The following OCLN variants were observed in gnomAD, a reference collection of about 807,000 sequenced individuals.
The protein encoded by OCLN is occludin.
OCLN carries 21 observed loss-of-function variants against 47.9 expected under a neutral mutation model. The ratio of observed to expected loss-of-function variants is 0.44; its 90% CI spans 0.31 to 0.63. The LOEUF (loss-of-function observed/expected upper bound fraction) is 0.63. Ranked by LOEUF, OCLN falls within the 30% of genes least tolerant of loss-of-function variation. The pLI, the probability that OCLN is intolerant of heterozygous loss-of-function variation, is 0.08. For synonymous variants in OCLN, 117 were observed against 198.4 expected, an observed-to-expected ratio of 0.59 and a Z score of 3.45; for missense variants, 360 against 571.0, an observed-to-expected ratio of 0.63 and a Z score of 3.77.
chr5:69,530,736 G>T (rs945222893), intron 4 of OCLN: 9 of 152,228 alleles, frequency 5.9e-5, no homozygotes, highest in African/African-American at 2.2e-4. Context: ...AATTTATTAT[G>T]CATGTGTATA....
At chr5:69,530,819 A>G (rs769941089) in intron 4 of OCLN, 1 of 152,322 alleles carries the variant, frequency 6.6e-6, no homozygotes, top group Non-Finnish European at 1.5e-5. Flanking sequence ...TGCTGATGCT[A>G]AGAGAGAAAG....
rs766112658 is a variant in OCLN, at chr5:69,509,289, A to T, written c.199A>T (p.Ile67Phe). 8.1e-6 allele frequency: 13 copies of T among 1,614,098 alleles called. No individual in the cohort carries two copies. The highest frequency in any genetic ancestry group is 9.3e-6 in the Non-Finnish European group (11 of 1,180,048). ...KWTSPPGVIR[I>F]LSMLIIVMCI... Reference sequence around the variant, plus strand: ...GACCTCTCCTCCAGGAGTGATTCGGATCCTGTCTATGCTCATTATTGTGAT... The same window carrying T: ...GACCTCTCCTCCAGGAGTGATTCGGTTCCTGTCTATGCTCATTATTGTGAT... The change falls in exon 3 of 9, where the codon ATC becomes TTC. Residue 67 changes from isoleucine (I) to phenylalanine (F), a missense_variant. Physicochemically the swap from Ile to Phe is conservative, Grantham distance 21 (BLOSUM62 0). Coordinates refer to ENST00000396442, the MANE Select transcript of OCLN (RefSeq NM_001205254.2).
intron 4 of OCLN, among the ~76,000 whole-genome samples, chr5:69,533,738 C>T (rs559237516): frequency 3.1e-4 from 47 of 152,336 alleles, no homozygotes; most frequent in African/African-American, 8.9e-4. Flanking sequence ...CTGCAACCTC[C>T]GCCTCTCTGG....
At chr5:69,505,888 G>T (rs1768585310) in intron 2 of OCLN, among the ~76,000 whole-genome samples, 1 of 152,192 alleles carries the variant, frequency 6.6e-6, no homozygotes, top group African/African-American at 2.4e-5. Flanking sequence ...CAGTTCTACA[G>T]TGGACAATAG....
intron 4 of OCLN, among the ~76,000 whole-genome samples, chr5:69,522,894 C>CTTCTTTTTTTTTT (rs1769179015): frequency 8.6e-6 from 1 of 116,890 alleles, no homozygotes; most frequent in Non-Finnish European, 1.7e-5. Flanking sequence ...GCCTGGCTGA[C>CTTCTTTTTTTTTT]TTTTTTTTTT....
intron 2 of OCLN, among the ~76,000 whole-genome samples, chr5:69,505,943 A>G (rs909537196): frequency 6.6e-6 from 1 of 152,196 alleles, no homozygotes; most frequent in African/African-American, 2.4e-5. Context: ...ACTGTCAGAG[A>G]TAGCATCAGA....
intron 1 of OCLN, among the ~76,000 whole-genome samples, chr5:69,494,409 C>T (rs547773114): frequency 3.3e-4 from 50 of 152,346 alleles, no homozygotes; most frequent in Admixed American, 2.5e-3. Context: ...TGGTCTCGAA[C>T]TCCTGACCTC....
At chr5:69,513,236 A>G (rs1225051685) in intron 3 of OCLN, among the ~76,000 whole-genome samples, 1 of 152,208 alleles carries the variant, frequency 6.6e-6, no homozygotes, top group African/African-American at 2.4e-5. Context: ...AGTGCCTCCC[A>G]GGCCAATATA....
rs766335289 is a variant in OCLN at position 69,504,297 on chromosome 5, A to G, written c.50+3A>G. 3.2e-6 allele frequency: 5 copies of G among 1,557,010 alleles called. No individual in the cohort carries two copies. In the South Asian group the frequency reaches 5.6e-5, roughly 17 times the overall value. Reference sequence around the variant, plus strand: ...CCTCCTTACAGGCCTGATGAATTGTAAGTAAATAATTCTTTAGTTATTCTC... The same window carrying G: ...CCTCCTTACAGGCCTGATGAATTGTGAGTAAATAATTCTTTAGTTATTCTC... On this transcript the variant is annotated splice_donor_region_variant and intron_variant, in intron 2 of 8. Transcript: ENST00000396442.
intron 4 of OCLN, among the ~76,000 whole-genome samples, chr5:69,516,675 A>G (rs866075158): frequency 6.6e-6 from 1 of 152,160 alleles, no homozygotes; most frequent in African/African-American, 2.4e-5. Context: ...TAATCTTACC[A>G]AGCTTCCTAT....
In OCLN at chr5:69,520,347, C is replaced by T. The variant is rs1023157009; in HGVS notation, c.891+6238C>T. On this transcript the variant is annotated intron_variant, in intron 4 of 8. Coordinates refer to ENST00000396442, the MANE Select transcript of OCLN (RefSeq NM_001205254.2). Reference sequence around the variant, plus strand: ...ATGGAGTCTTGCTCTGTTGCCCAGGCTGGAGCGCAGTGGCACTATCTCGGC... The same window carrying T: ...ATGGAGTCTTGCTCTGTTGCCCAGGTTGGAGCGCAGTGGCACTATCTCGGC... Among the ~76,000 whole-genome samples, 12 of 150,074 alleles carry T rather than the reference C, an allele frequency of 8.0e-5. No homozygotes were observed. The Admixed American group carries it at 8.0e-4, about 10-fold the overall frequency.
At chr5:69,548,851 C>T (rs966941739) in intron 7 of OCLN, among the ~76,000 whole-genome samples, 4 of 150,500 alleles carry the variant, frequency 2.7e-5, no homozygotes, top group African/African-American at 4.9e-5. Context: ...CCCAGCTACT[C>T]GGGGAGGCTG....
At chr5:69,515,172 T>A in intron 4 of OCLN, among the ~76,000 whole-genome samples, 1 of 127,112 alleles carries the variant, frequency 7.9e-6, no homozygotes, top group South Asian at 2.7e-4. Flanking sequence ...CCCACCTCCC[T>A]CCCGGACGGG....
chr5:69,493,188 C>G lies in OCLN; in HGVS notation c.-69+288C>G, dbSNP rs1768189165. 6.6e-6 allele frequency among the ~76,000 whole-genome samples: 1 copy of G among 152,182 alleles called. No homozygotes were observed. The highest frequency in any genetic ancestry group is 2.1e-4 in the South Asian group (1 of 4,836). ...GAAAGCTAGCAGTGCCTCAGCGGCG[C>G]GGGCAACTTTTCACTTTTATGGGGC... On this transcript the variant is annotated intron_variant, in intron 1 of 8. Transcript: ENST00000396442. This position sits in a 1 kb window ranked among gnomAD's most constrained non-coding sequence, Gnocchi z 5.3.
chr5:69,494,679 GC>G (rs1395943686), intron 1 of OCLN, among the ~76,000 whole-genome samples: 36 of 152,294 alleles, frequency 2.4e-4, no homozygotes, highest in African/African-American at 8.7e-4. Context: ...CCACCTTTTG[GC>G]AGTTTCCAGG....
chr5:69,519,059 G>A (rs1275036849), intron 4 of OCLN, among the ~76,000 whole-genome samples: 1 of 152,086 alleles, frequency 6.6e-6, no homozygotes, highest in Non-Finnish European at 1.5e-5. Context: ...GATTGCTGGA[G>A]CCTGGGAGGT....
rs182195826 is a variant in OCLN, at chr5:69,494,528, A to C, written c.-69+1628A>C. 4.4e-3 allele frequency among the ~76,000 whole-genome samples: 663 copies of C among 152,322 alleles called. 3 individuals carry two copies. The highest frequency in any genetic ancestry group is 7.0e-3 in the Non-Finnish European group (474 of 68,030). Reference sequence around the variant, plus strand: ...AGTGGTGCTTTAAAATAGACATCTTAAGTGTGTGTGGGAGGCAGAGATATT... The same window carrying C: ...AGTGGTGCTTTAAAATAGACATCTTCAGTGTGTGTGGGAGGCAGAGATATT... On this transcript the variant is annotated intron_variant, in intron 1 of 8. Coordinates refer to ENST00000396442, the MANE Select transcript of OCLN (RefSeq NM_001205254.2).
intron 4 of OCLN, among the ~76,000 whole-genome samples, 193 bp downstream of exon 4, chr5:69,514,302 A>G (rs1768866412): frequency 1.3e-5 from 2 of 152,192 alleles, no homozygotes; most frequent in African/African-American, 4.8e-5. Context: ...TGAAAATCAG[A>G]TTTCCATTTT....
intron 7 of OCLN, among the ~76,000 whole-genome samples, chr5:69,550,029 A>G (rs951974703): frequency 3.5e-5 from 5 of 144,072 alleles, no homozygotes; most frequent in African/African-American, 1.3e-4. Flanking sequence ...TAAGTTTTTT[A>G]TGTGTAAAAT....
Sources: gnomAD v4.1 joint callset for allele counts (sites outside exome capture counted in the v4.1 genomes callset) on GRCh38, gnomAD v4.1.1 for gene constraint, Gnocchi (gnomAD v3.1) non-coding constraint, MANE v1.5 for transcripts, NCBI Gene and HGNC (gene_info 2026-07-23, HGNC 2026-07-21) for gene names.